Variants in ZBBX observed in about 807,000 individuals in gnomAD.
ZBBX encodes the protein zinc finger B-box domain containing.
In ZBBX, 101 loss-of-function variants were observed where a neutral mutation model predicts 108.5. The ratio of observed to expected loss-of-function variants is 0.93; its 90% CI spans 0.79 to 1.10. The LOEUF is 1.10. Among genes scored for constraint, ZBBX ranks in the 50% least tolerant of loss-of-function variants. The pLI is 0.00. For synonymous variants in ZBBX, 356 were observed against 323.4 expected, an observed-to-expected ratio of 1.10 and a Z score of -1.08; for missense variants, 1,009 against 941.4, an observed-to-expected ratio of 1.07 and a Z score of -0.94.
intron 17 of ZBBX, among the ~76,000 whole-genome samples, chr3:167,300,091 G>A (rs1026349179): frequency 1.3e-5 from 2 of 152,074 alleles, no homozygotes; most frequent in Non-Finnish European, 2.9e-5. Flanking sequence ...TACCAGTGGT[G>A]GAAAATTTCT....
At chr3:167,322,331 C>T in intron 11 of ZBBX, 94 bp from the exon 12 acceptor site, 1 of 1,071,270 alleles carries the variant, frequency 9.3e-7, no homozygotes, top group African/African-American at 1.6e-5. Context: ...ATTTTTGGGG[C>T]ATATATGCTT....
chr3:167,375,664 A>G (rs960270826), intron 2 of ZBBX, among the ~76,000 whole-genome samples: 2 of 152,124 alleles, frequency 1.3e-5, no homozygotes, highest in Non-Finnish European at 2.9e-5. Context: ...CTCATTTGAA[A>G]TTAAAAATGA....
At chr3:167,348,369 A>AAAAAGAAAGAAAG (rs1553833087) in intron 9 of ZBBX, among the ~76,000 whole-genome samples, 46 of 140,654 alleles carry the variant, frequency 3.3e-4, no homozygotes, top group African/African-American at 1.2e-3. Flanking sequence ...AGAAAGAAAG[A>AAAAAGAAAGAAAG]AAAAAAAGAA....
chr3:167,335,469 A>G (rs1255320577), intron 9 of ZBBX, among the ~76,000 whole-genome samples: 1 of 152,086 alleles, frequency 6.6e-6, no homozygotes, highest in Non-Finnish European at 1.5e-5. Context: ...CTCCAGGGGT[A>G]AGATTCAGAA....
intron 12 of ZBBX, 47 bp from the exon 13 acceptor site, chr3:167,317,644 G>C (rs747048217): frequency 9.4e-6 from 12 of 1,281,544 alleles, no homozygotes; most frequent in Non-Finnish European, 1.3e-5. Context: ...TATATTACCT[G>C]AAACTTTCCC....
In ZBBX at chr3:167,247,406, C is replaced by T. The variant is rs975095361; in HGVS notation, c.2255-4763G>A. 7.2e-5 allele frequency among the ~76,000 whole-genome samples: 11 copies of T among 152,176 alleles called. No homozygotes were observed. The East Asian group carries it at 1.9e-3, about 27-fold the overall frequency. On this transcript the variant is annotated intron_variant, in intron 20 of 21. Transcript: ENST00000675490. ...TAGGGGAAAACCATCTCCCTTCTCG[C>T]TTCCCCATCAGCGGAGAGCTACTTC...
At chr3:167,381,494 A>C (rs974709700), upstream of ZBBX, 2 of 152,220 alleles carry the variant, frequency 1.3e-5, no homozygotes, top group African/African-American at 4.8e-5. Context: ...AGTAAGAAAC[A>C]GTGGTGCTGG....
chr3:167,282,292 G>A lies in ZBBX; in HGVS notation c.2200C>T (p.Gln734Ter). ...NELSLDDTTD[Q>*]HTLDNLEKEL... ...TTTTCCAAATTGTCTAAAGTATGTT[G>A]ATCAGTAGTGTCATCTAAGGAAAGC... is the stretch of plus-strand genomic sequence containing the variant. Residue 734 changes from glutamine to a stop codon, truncating the protein, a stop_gained, in exon 20 of 22, where the codon CAA becomes TAA. Coordinates refer to ENST00000675490, the MANE Select transcript of ZBBX (RefSeq NM_001199201.2). LOFTEE classifies it high-confidence loss of function. 2 of 1,613,848 alleles carry A rather than the reference G, an allele frequency of 1.2e-6. No homozygotes were observed. The highest frequency in any genetic ancestry group is 8.5e-7 in the Non-Finnish European group (1 of 1,179,876).
At chr3:167,306,676 C>A (rs989676274) in intron 16 of ZBBX, among the ~76,000 whole-genome samples, 2 of 152,066 alleles carry the variant, frequency 1.3e-5, no homozygotes, top group Non-Finnish European at 2.9e-5. Context: ...GCTAAGTTGT[C>A]CAGGTGATTA....
At chr3:167,369,470 A>G (rs1177320976) in intron 4 of ZBBX, among the ~76,000 whole-genome samples, 1 of 152,228 alleles carries the variant, frequency 6.6e-6, no homozygotes, top group Non-Finnish European at 1.5e-5. Flanking sequence ...ACAATCGAGG[A>G]AGATATACAG....
intron 20 of ZBBX, among the ~76,000 whole-genome samples, chr3:167,243,748 CTTTTTTTTTTTTT>C (rs148483655): frequency 2.8e-5 from 2 of 70,872 alleles, no homozygotes; most frequent in African/African-American, 1.2e-4. Flanking sequence ...GTGGACTTGA[CTTTTTTTTTTTTT>C]TTTTTTTTTT....
At chr3:167,332,760 C>A (rs1173571650) in intron 10 of ZBBX, among the ~76,000 whole-genome samples, 1 of 152,160 alleles carries the variant, frequency 6.6e-6, no homozygotes, top group Non-Finnish European at 1.5e-5. Context: ...AAACCACAGT[C>A]TCTGCAAAAT....
chr3:167,366,088 C>T, intron 5 of ZBBX, 112 bp from the exon 6 acceptor site: 4 of 649,668 alleles, frequency 6.2e-6, no homozygotes, highest in Admixed American at 3.2e-5. Flanking sequence ...TGTTAACATG[C>T]AGTAAACAAG....
chr3:167,315,764 T>C lies in ZBBX; in HGVS notation c.1260A>G (p.Ala420=). ...IVPYKVKLAD[A]DSQRSCAFHD... ...AAAGGTTTTACCTTCGTTGACTGTC[T>C]GCATCAGCTAATTTAACTTTGTAAG... is the stretch of plus-strand genomic sequence containing the variant. The change falls in exon 15 of 22, where the codon GCA becomes GCG. Residue 420 remains alanine (A), a synonymous_variant. Coordinates refer to ENST00000675490, the MANE Select transcript of ZBBX (RefSeq NM_001199201.2). 1 of 1,608,106 alleles carries C rather than the reference T, an allele frequency of 6.2e-7. No homozygotes were observed. The highest frequency in any genetic ancestry group is 1.3e-5 in the African/African-American group (1 of 74,980).
At chr3:167,187,111 C>T in the ZBBX span, among the ~76,000 whole-genome samples, 27 of 152,218 alleles carry the variant, frequency 1.8e-4, no homozygotes, top group African/African-American at 6.3e-4. Flanking sequence ...TAGACCCAAG[C>T]TGATGAGCTT....
At chr3:167,390,977 T>A (rs1748068724) in intron 1 of ZBBX, among the ~76,000 whole-genome samples, 1 of 152,108 alleles carries the variant, frequency 6.6e-6, no homozygotes, top group Non-Finnish European at 1.5e-5. Context: ...TACGTTTATT[T>A]CTTTCTCTTG....
In ZBBX at chr3:167,350,521, A is replaced by G. The variant is rs1742445508; in HGVS notation, c.433-6T>C. On this transcript the variant is annotated splice_region_variant and splice_polypyrimidine_tract_variant and intron_variant, in intron 8 of 21. Coordinates refer to ENST00000675490, the MANE Select transcript of ZBBX (RefSeq NM_001199201.2). ...TCTCCACATTCAAGGCATACCTAAAAAGATATTTTTTAAAAAATTATACAA... is the reference window on the plus strand; with the variant it reads ...TCTCCACATTCAAGGCATACCTAAAGAGATATTTTTTAAAAAATTATACAA... The G allele has an allele frequency of 1.3e-6, 2 of 1,560,074 alleles. No homozygotes were observed.
At chr3:167,228,198 AT>A in the ZBBX span, among the ~76,000 whole-genome samples, 1 of 151,830 alleles carries the variant, frequency 6.6e-6, no homozygotes, top group Admixed American at 6.6e-5. Flanking sequence ...CACTTCATAT[AT>A]TAAAGTGTTT....
chr3:167,393,632 T>C (rs1333212946), intron 1 of ZBBX, among the ~76,000 whole-genome samples: 1 of 151,934 alleles, frequency 6.6e-6, no homozygotes, highest in African/African-American at 2.4e-5. Flanking sequence ...TTCTTGATGC[T>C]AGAGTGAAAA....
Sources: allele counts gnomAD v4.1 joint callset (sites outside exome capture counted in the v4.1 genomes callset), GRCh38; gene constraint gnomAD v4.1.1; transcripts MANE v1.5; gene names NCBI Gene and HGNC (gene_info 2026-07-23, HGNC 2026-07-21).